Variants in GUCY1A2 observed in about 807,000 individuals in gnomAD.
The protein encoded by GUCY1A2 is guanylate cyclase 1 soluble subunit alpha 2.
Under a neutral mutation model 63.5 loss-of-function variants are expected in GUCY1A2, and 27 were observed. The observed-to-expected ratio is 0.43, with a 90% CI of 0.31 to 0.59. The LOEUF (loss-of-function observed/expected upper bound fraction) is 0.59, where lower values mean the gene tolerates loss of function less well. Ranked by LOEUF, GUCY1A2 falls within the 20% of genes least tolerant of loss-of-function variation. The pLI is 0.11. For synonymous variants in GUCY1A2, 364 were observed against 343.5 expected (o/e 1.06, Z -0.66); for missense variants, 768 against 913.3 (o/e 0.84, Z 2.05).
chr11:106,999,971 G>A (rs1591359685), intron 1 of GUCY1A2, among the ~76,000 whole-genome samples: 1 of 152,210 alleles, frequency 6.6e-6, no homozygotes, highest in Non-Finnish European at 1.5e-5. Flanking sequence ...ACCCAAGAAT[G>A]CAGCTGAATA....
chr11:106,731,599 C>A (rs1176080594), intron 6 of GUCY1A2, among the ~76,000 whole-genome samples: 1 of 152,010 alleles, frequency 6.6e-6, no homozygotes, highest in East Asian at 1.9e-4. Context: ...TCAAACTAAC[C>A]CTGTTTTCAG....
At chr11:106,864,924 G>T (rs1011540643) in intron 4 of GUCY1A2, among the ~76,000 whole-genome samples, 5 of 152,080 alleles carry the variant, frequency 3.3e-5, no homozygotes, top group Non-Finnish European at 5.9e-5. Context: ...GATGATGCTG[G>T]CCTCATAAAA....
chr11:106,851,222 G>T (rs1462508220), intron 4 of GUCY1A2, among the ~76,000 whole-genome samples: 2 of 151,076 alleles, frequency 1.3e-5, no homozygotes, highest in Non-Finnish European at 3.0e-5. Context: ...CTGTTGATTT[G>T]TCTGAGTTCC....
At chr11:106,748,931 G>GTCTC (rs1863837226) in intron 6 of GUCY1A2, among the ~76,000 whole-genome samples, 1 of 151,980 alleles carries the variant, frequency 6.6e-6, no homozygotes, top group Non-Finnish European at 1.5e-5. Flanking sequence ...ATAAATTTTT[G>GTCTC]TCTCTGTATG....
intron 4 of GUCY1A2, among the ~76,000 whole-genome samples, chr11:106,894,596 G>A (rs943205405): frequency 7.9e-5 from 12 of 152,136 alleles, no homozygotes; most frequent in African/African-American, 2.9e-4. Flanking sequence ...GTCTTACAAT[G>A]TCTTGAAATG....
chr11:106,708,675 G>T lies in GUCY1A2; in HGVS notation c.1837-9C>A, dbSNP rs1316676629. 3 of 1,555,634 alleles carry T rather than the reference G, an allele frequency of 1.9e-6. No individual in the cohort carries two copies. Among genetic ancestry groups the T allele is most frequent in the Non-Finnish European group, 2.6e-6 (3 of 1,145,340 alleles). On this transcript the variant is annotated splice_polypyrimidine_tract_variant and intron_variant, in intron 6 of 7. Coordinates refer to ENST00000526355, the MANE Select transcript of GUCY1A2 (RefSeq NM_000855.3). ...TGAATTCCTATCCTCATCTAAAGAA[G>T]AATGAAAGAGGAAAAGGAACATATT...
intron 4 of GUCY1A2, among the ~76,000 whole-genome samples, chr11:106,935,849 CAAAAAAAAAAATT>C (rs535795576): frequency 4.1e-4 from 44 of 107,476 alleles, no homozygotes; most frequent in African/African-American, 1.7e-3. Flanking sequence ...ACTCCATCTC[CAAAAAAAAAAATT>C]AAAAAAAAAA....
chr11:106,982,140 T>C (rs1861345019), intron 2 of GUCY1A2, among the ~76,000 whole-genome samples: 1 of 152,190 alleles, frequency 6.6e-6, no homozygotes. Context: ...CTTCCCAAGA[T>C]TATTCATAGC....
chr11:106,755,960 G>C (rs1002553682), intron 6 of GUCY1A2, among the ~76,000 whole-genome samples: 36 of 152,150 alleles, frequency 2.4e-4, no homozygotes, highest in African/African-American at 7.5e-4. Flanking sequence ...TAAATTCTCC[G>C]ATTACTAATG....
intron 4 of GUCY1A2, among the ~76,000 whole-genome samples, chr11:106,839,213 C>A (rs1489591161): frequency 1.3e-5 from 2 of 151,974 alleles, no homozygotes; most frequent in Admixed American, 1.3e-4. Context: ...GTTTTCCCAG[C>A]ACCATTTGTT....
At chr11:106,757,643 C>T (rs1863997315) in intron 6 of GUCY1A2, among the ~76,000 whole-genome samples, 1 of 152,140 alleles carries the variant, frequency 6.6e-6, no homozygotes, top group South Asian at 2.1e-4. Flanking sequence ...GCTGAAGGTC[C>T]ACTCCAGACC....
rs1862320947 is a variant in GUCY1A2 at position 106,674,969 on chromosome 11, T to G, written c.*12580A>C. The stretch of plus-strand genomic sequence containing the variant: ...GGAAGTGCATTGGCTGTTTATTTTA[T>G]GCATTGAAGTGAGTATTAATAGGAT... On this transcript the variant is annotated 3_prime_UTR_variant, in exon 8 of 8. Coordinates refer to ENST00000526355, the MANE Select transcript of GUCY1A2 (RefSeq NM_000855.3). The G allele has an allele frequency of 9.3e-6, 2 of 214,794 alleles. No homozygotes were observed. The highest frequency in any genetic ancestry group is 1.4e-4 in the East Asian group (2 of 14,470). The allele number at this position is 214,794 out of a possible 1,614,324, so 13.3% of individuals were successfully genotyped here.
At chr11:106,769,676 C>A (rs1864222240) in intron 6 of GUCY1A2, among the ~76,000 whole-genome samples, 1 of 152,038 alleles carries the variant, frequency 6.6e-6, no homozygotes, top group South Asian at 2.1e-4. Context: ...TTCCATATTA[C>A]TGTTACAATA....
At chr11:106,755,801 T>G (rs1445397624) in intron 6 of GUCY1A2, among the ~76,000 whole-genome samples, 1 of 152,170 alleles carries the variant, frequency 6.6e-6, no homozygotes, top group African/African-American at 2.4e-5. Context: ...TGCAATGTGG[T>G]GCTGAGAAGA....
At chr11:106,820,456 T>TGG (rs1248073147) in intron 4 of GUCY1A2, among the ~76,000 whole-genome samples, 1 of 152,076 alleles carries the variant, frequency 6.6e-6, no homozygotes, top group Non-Finnish European at 1.5e-5. Flanking sequence ...TGGAGTGCAG[T>TGG]GGCATGATAC....
chr11:106,958,195 A>G (rs1274777626), intron 3 of GUCY1A2, among the ~76,000 whole-genome samples: 1 of 152,178 alleles, frequency 6.6e-6, no homozygotes, highest in African/African-American at 2.4e-5. Flanking sequence ...TTGTGAATAC[A>G]CCATTTAGTA....
At chr11:106,999,040 G>T (rs895242674) in intron 1 of GUCY1A2, among the ~76,000 whole-genome samples, 16 of 152,048 alleles carry the variant, frequency 1.1e-4, no homozygotes, top group Non-Finnish European at 2.1e-4. Context: ...CACTAGATTT[G>T]ATTTTAGGAG....
At chr11:106,782,194 G>A (rs556222191) in intron 5 of GUCY1A2, among the ~76,000 whole-genome samples, 2 of 152,274 alleles carry the variant, frequency 1.3e-5, no homozygotes, top group East Asian at 3.9e-4. Flanking sequence ...TGGGGCATAA[G>A]AGCAGAGGTT....
intron 5 of GUCY1A2, among the ~76,000 whole-genome samples, chr11:106,801,867 G>A (rs1208998757): frequency 1.3e-5 from 2 of 152,102 alleles, no homozygotes; most frequent in African/African-American, 4.8e-5. Flanking sequence ...CACAAAAATT[G>A]AAATAAAAAT....
Sources: gnomAD v4.1 joint callset for allele counts (sites outside exome capture counted in the v4.1 genomes callset) on GRCh38, gnomAD v4.1.1 for gene constraint, MANE v1.5 for transcripts, NCBI Gene and HGNC (gene_info 2026-07-23, HGNC 2026-07-21) for gene names.